ZBTB46: variants seen among roughly 807,000 people sequenced by gnomAD.
The protein encoded by ZBTB46 is zinc finger and BTB domain containing 46, also known as zinc finger and BTB domain-containing protein 46.
In ZBTB46, 8 loss-of-function variants were observed where a neutral mutation model predicts 44.1. The observed-to-expected ratio is 0.18, with a 90% CI of 0.11 to 0.33. The LOEUF (loss-of-function observed/expected upper bound fraction) is 0.33. Ranked by LOEUF, ZBTB46 falls within the 10% of genes least tolerant of loss-of-function variation. The pLI is 1.00. For synonymous variants in ZBTB46, 409 were observed against 382.3 expected (o/e 1.07, Z -0.81); for missense variants, 651 against 847.7 (o/e 0.77, Z 2.88).
At position 63,768,000 on chromosome 20, in the gene ZBTB46, C is replaced by T; in HGVS notation, c.1222+7678G>A. On this transcript the variant is annotated intron_variant, in intron 3 of 4. Coordinates refer to ENST00000245663, the MANE Select transcript of ZBTB46 (RefSeq NM_001369741.1). This position sits in a 1 kb window ranked among gnomAD's most constrained non-coding sequence, Gnocchi z 5.0. ...GTGTCGATCTGGAACCAGAGACAGA[C>T]AAGTTACAGACCGTCAGGATGGGAT... The T allele has an allele frequency of 1.0e-6, 1 of 985,446 alleles. No individual in the cohort carries two copies. The highest frequency in any genetic ancestry group is 1.2e-6 in the Non-Finnish European group (1 of 829,930). The allele number at this position is 985,446 out of a possible 1,614,324, so 61.0% of individuals were successfully genotyped here.
intron 1 of ZBTB46, among the ~76,000 whole-genome samples, chr20:63,823,343 C>G (rs551138675): frequency 6.6e-6 from 1 of 151,614 alleles, no homozygotes; most frequent in Admixed American, 6.6e-5. Flanking sequence ...AAAAAAAGTA[C>G]AAAAATTAGC....
chr20:63,833,207 C>T (rs576710691), upstream of ZBTB46, among the ~76,000 whole-genome samples: 1 of 152,182 alleles, frequency 6.6e-6, no homozygotes, highest in Non-Finnish European at 1.5e-5. Flanking sequence ...TCAGTCATCG[C>T]TTAGGAGGCC....
intron 3 of ZBTB46, among the ~76,000 whole-genome samples, chr20:63,761,511 C>T (rs998712874): frequency 6.6e-6 from 1 of 151,858 alleles, no homozygotes; most frequent in Non-Finnish European, 1.5e-5. Flanking sequence ...TGGCCAGGCA[C>T]GGTGGCTCAC....
intron 3 of ZBTB46, among the ~76,000 whole-genome samples, chr20:63,770,733 G>C (rs1213979082): frequency 6.6e-6 from 1 of 152,202 alleles, no homozygotes; most frequent in Non-Finnish European, 1.5e-5. Flanking sequence ...TCATGACGAG[G>C]AGAACTGGGC....
intron 2 of ZBTB46, among the ~76,000 whole-genome samples, chr20:63,779,060 G>A (rs898309183): frequency 6.6e-6 from 1 of 152,078 alleles, no homozygotes; most frequent in East Asian, 1.9e-4. Context: ...GTGTGCTCAC[G>A]AGCGTGTTCA....
chr20:63,793,178 C>CCA (rs2092574784), intron 1 of ZBTB46, among the ~76,000 whole-genome samples: 1 of 152,226 alleles, frequency 6.6e-6, no homozygotes, highest in Non-Finnish European at 1.5e-5. Flanking sequence ...CCATCCCGCC[C>CCA]CACACTGGCC....
intron 3 of ZBTB46, among the ~76,000 whole-genome samples, chr20:63,773,731 C>T (rs1484365179): frequency 6.6e-6 from 1 of 152,118 alleles, no homozygotes; most frequent in Non-Finnish European, 1.5e-5. Flanking sequence ...GGATCCCCCT[C>T]CGACCGCACC....
At chr20:63,832,947 C>T (rs982375266), upstream of ZBTB46, among the ~76,000 whole-genome samples, 1 of 152,140 alleles carries the variant, frequency 6.6e-6, no homozygotes, top group African/African-American at 2.4e-5. The surrounding 1 kb of genome is among the most constrained non-coding windows in gnomAD (Gnocchi z 5.0). Context: ...GAAAGGAGGC[C>T]TGGGGAGACA....
At chr20:63,806,992 C>T (rs552866536) in intron 1 of ZBTB46, among the ~76,000 whole-genome samples, 15 of 152,116 alleles carry the variant, frequency 9.9e-5, no homozygotes, top group Non-Finnish European at 1.9e-4. Flanking sequence ...CCGTGTTAGC[C>T]AGGATAGTCG....
chr20:63,829,223 C>T lies in ZBTB46; in HGVS notation c.-34+1874G>A, dbSNP rs116560487. 8.1e-3 allele frequency among the ~76,000 whole-genome samples: 1,240 copies of T among 152,306 alleles called. 18 individuals are homozygous for T. The highest frequency in any genetic ancestry group is 0.029 in the African/African-American group (1,186 of 41,558). ...AACTGACCTGGGGGCCCTTAGGTAA[C>T]AGTCCACCCAACCCGAACATCCGAA... On this transcript the variant is annotated intron_variant, in intron 1 of 4. Transcript: ENST00000245663.
Position 63,747,113 on chromosome 20 carries a change from T to A in ZBTB46, c.1587A>T (p.Pro529=). 6.2e-7 allele frequency: 1 copy of A among 1,610,078 alleles called. No homozygotes were observed. Among genetic ancestry groups the A allele is most frequent in the Non-Finnish European group, 8.5e-7 (1 of 1,179,428 alleles). The change falls in exon 5 of 5, where the codon CCA becomes CCT. Residue 529 remains proline (P), a synonymous_variant. Transcript: ENST00000245663. ...GGTCCTCCAGATAGGGCCCGTCGCCTGGGAACAGCGCCTCTGGAGAGCCCT... is the reference window on the plus strand; with the variant it reads ...GGTCCTCCAGATAGGGCCCGTCGCCAGGGAACAGCGCCTCTGGAGAGCCCT... The part of the protein sequence containing the change: ...GGEGSPEALF[P]GDGPYLEDPE...
upstream of ZBTB46, among the ~76,000 whole-genome samples, chr20:63,831,551 G>A (rs1170414930): frequency 2.4e-4 from 35 of 148,522 alleles, 1 homozygote; most frequent in East Asian, 4.0e-3. Context: ...GGAGCTCGCT[G>A]GGCATTGTGG....
chr20:63,785,718 G>A (rs2092509299), intron 2 of ZBTB46, among the ~76,000 whole-genome samples: 1 of 152,166 alleles, frequency 6.6e-6, no homozygotes, highest in African/African-American at 2.4e-5. Flanking sequence ...CCCAGCCTGA[G>A]GGCTCAGACG....
Position 63,808,762 on chromosome 20 carries a change from C to G in ZBTB46, c.-33-17972G>C, listed in dbSNP as rs528935916. On this transcript the variant is annotated intron_variant, in intron 1 of 4. Transcript: ENST00000245663. ...GGCCGAGGCGGGCGGATGGTGAGGT[C>G]AGGAGATCAAGACCATCCTGGCTAA... is the stretch of plus-strand genomic sequence containing the variant. Among the ~76,000 whole-genome samples, 36 of 152,094 alleles carry G rather than the reference C, an allele frequency of 2.4e-4. No homozygotes were observed. In the South Asian group the frequency reaches 6.8e-3, roughly 29 times the overall value.
chr20:63,793,086 G>A (rs2092574050), intron 1 of ZBTB46, among the ~76,000 whole-genome samples: 1 of 152,178 alleles, frequency 6.6e-6, no homozygotes, highest in Non-Finnish European at 1.5e-5. Flanking sequence ...ATTACAGGAA[G>A]GGCCTCAAGC....
chr20:63,767,850 T>G lies in ZBTB46; in HGVS notation c.1222+7828A>C. Reference sequence around the variant, plus strand: ...AGGGCTGGGCAAGTCCATCCAGGCCTGGGCTGGAAGAAGACTCCTCAGGCA... The same window carrying G: ...AGGGCTGGGCAAGTCCATCCAGGCCGGGGCTGGAAGAAGACTCCTCAGGCA... On this transcript the variant is annotated intron_variant, in intron 3 of 4. Coordinates refer to ENST00000245663, the MANE Select transcript of ZBTB46 (RefSeq NM_001369741.1). The surrounding 1 kb of genome is among the most constrained non-coding windows in gnomAD (Gnocchi z 5.0). The G allele has an allele frequency of 1.0e-6, 1 of 980,224 alleles. No homozygotes were observed. The highest frequency in any genetic ancestry group is 1.2e-6 in the Non-Finnish European group (1 of 825,204). 60.7% of individuals were successfully genotyped at this position (980,224 alleles called of 1,614,324 possible). A position where few individuals can be genotyped will look rare whatever the true frequency, so the allele number is the denominator to read the frequency against.
Position 63,790,161 on chromosome 20 carries a change from C to G in ZBTB46, c.597G>C (p.Glu199Asp), listed in dbSNP as rs200136076. 18 of 1,613,802 alleles carry G rather than the reference C, an allele frequency of 1.1e-5. No homozygotes were observed. Among genetic ancestry groups the G allele is most frequent in the Non-Finnish European group, 1.2e-5 (14 of 1,180,034 alleles). ...GGCCATCGGCCTTGGGCTCCTGATC[C>G]TCTTTCCCGTAGCTGCTCCCTCCGT... Reference protein sequence around the residue: ...CHDGGSSYGKEDQEPKADGPD... With the variant: ...CHDGGSSYGKDDQEPKADGPD... The change falls in exon 2 of 5, where the codon GAG becomes GAC. Residue 199 changes from glutamate (E) to aspartate (D), a missense_variant. Transcript: ENST00000245663.
intron 3 of ZBTB46, among the ~76,000 whole-genome samples, chr20:63,756,446 C>T (rs2092220948): frequency 6.6e-6 from 1 of 152,230 alleles, no homozygotes; most frequent in South Asian, 2.1e-4. Context: ...ACTTTGAGAG[C>T]ATCTCCGAAA....
chr20:63,747,296 G>A lies in ZBTB46; in HGVS notation c.1404C>T (p.His468=), dbSNP rs2092102317. 1 of 1,478,636 alleles carries A rather than the reference G, an allele frequency of 6.8e-7. No individual in the cohort carries two copies. The highest frequency in any genetic ancestry group is 1.5e-5 in the African/African-American group (1 of 67,870). 91.6% of individuals were successfully genotyped at this position (1,478,636 alleles called of 1,614,324 possible). A position where few individuals can be genotyped will look rare whatever the true frequency, so the allele number is the denominator to read the frequency against. Residue 468 remains histidine (H), a synonymous_variant, in exon 5 of 5, where the codon CAC becomes CAT. Coordinates refer to ENST00000245663, the MANE Select transcript of ZBTB46 (RefSeq NM_001369741.1). Reference sequence around the variant, plus strand: ...TGCACACATACTTCTTGTCCTTGCTGTGGACCTGCAGAGGCAGGGCAGGGG... The same window carrying A: ...TGCACACATACTTCTTGTCCTTGCTATGGACCTGCAGAGGCAGGGCAGGGG... ...REHMKRHTLV[H]SKDKKYVCKV...
Sources: gnomAD v4.1 joint callset for allele counts (sites outside exome capture counted in the v4.1 genomes callset) on GRCh38, gnomAD v4.1.1 for gene constraint, Gnocchi (gnomAD v3.1) non-coding constraint, MANE v1.5 for transcripts, NCBI Gene and HGNC (gene_info 2026-07-23, HGNC 2026-07-21) for gene names.